Variants in ATP10A observed in about 807,000 individuals in gnomAD.
ATP10A encodes the protein phospholipid-transporting ATPase VA.
A neutral mutation model predicts 147.8 loss-of-function variants in ATP10A; 111 were observed. That is an observed-to-expected ratio of 0.75 (90% CI 0.64 to 0.88). ATP10A has a LOEUF of 0.88. Ranked by LOEUF, ATP10A falls within the 40% of genes least tolerant of loss-of-function variation. ATP10A has a pLI of 0.00. For synonymous variants in ATP10A, 875 were observed against 841.6 expected (o/e 1.04, Z -0.69); for missense variants, 1,927 against 1,959.0 (o/e 0.98, Z 0.31).
chr15:25,852,160 T>A (rs939191345), intron 1 of ATP10A, among the ~76,000 whole-genome samples: 4 of 151,960 alleles, frequency 2.6e-5, no homozygotes, highest in African/African-American at 4.8e-5. Context: ...TCCTATTGAA[T>A]GCCACCCTCC....
At chr15:25,792,349 G>A (rs1235267547) in intron 1 of ATP10A, among the ~76,000 whole-genome samples, 1 of 152,174 alleles carries the variant, frequency 6.6e-6, no homozygotes, top group African/African-American at 2.4e-5. Context: ...AGCACACTGG[G>A]GAGGTCCTGC....
intron 14 of ATP10A, 101 bp downstream of exon 14, chr15:25,694,718 A>C: frequency 9.4e-7 from 1 of 1,061,922 alleles, no homozygotes; most frequent in Non-Finnish European, 1.3e-6. Flanking sequence ...CACAGAAAGA[A>C]AGGTGAGGAA....
chr15:25,824,456 G>T (rs543384661), intron 1 of ATP10A, among the ~76,000 whole-genome samples: 4 of 143,056 alleles, frequency 2.8e-5, no homozygotes, highest in African/African-American at 1.0e-4. Context: ...CCTGGACAAG[G>T]GAGCAAGACC....
At chr15:25,704,697 C>A (rs1024302791) in intron 12 of ATP10A, among the ~76,000 whole-genome samples, 2 of 152,210 alleles carry the variant, frequency 1.3e-5, no homozygotes, top group Non-Finnish European at 2.9e-5. Flanking sequence ...ACCCCCACCT[C>A]GGCATGAAAC....
chr15:25,725,954 C>T lies in ATP10A; in HGVS notation c.976G>A (p.Val326Ile). 6.2e-7 allele frequency: 1 copy of T among 1,612,860 alleles called. No individual in the cohort carries two copies. The highest frequency in any genetic ancestry group is 8.5e-7 in the Non-Finnish European group (1 of 1,179,188). ...LLVCMSLFSA[V>I]GHGLWIWRYQ... ...CCGATCCATCTAGGAGACTTACCGA[C>T]TGCTGAAAACAGAGACATGCAAACA... The change falls in exon 5 of 21, where the codon GTC (valine) becomes ATC (isoleucine). Residue 326 changes from valine to isoleucine, a missense_variant. Val to Ile is a conservative substitution (Grantham distance 29, BLOSUM62 3). Coordinates refer to ENST00000555815, the MANE Select transcript of ATP10A (RefSeq NM_024490.4).
chr15:25,804,776 A>G (rs1891105707), intron 1 of ATP10A, among the ~76,000 whole-genome samples: 1 of 152,250 alleles, frequency 6.6e-6, no homozygotes, highest in African/African-American at 2.4e-5. Flanking sequence ...GAATTCTTCC[A>G]GCACAAAGTA....
chr15:25,713,184 TG>T (rs1901548382), intron 10 of ATP10A, among the ~76,000 whole-genome samples: 1 of 152,060 alleles, frequency 6.6e-6, no homozygotes, highest in African/African-American at 2.4e-5. Context: ...GAGAGGTGGG[TG>T]GCCAGGTTCC....
At chr15:25,738,805 C>A (rs956282986) in intron 2 of ATP10A, among the ~76,000 whole-genome samples, 2 of 152,190 alleles carry the variant, frequency 1.3e-5, no homozygotes, top group Admixed American at 1.3e-4. Flanking sequence ...AAATGCCAGG[C>A]ATTGTGCTAA....
rs1407367935 is a variant in ATP10A at position 25,686,389 on chromosome 15, G to A, written c.3291+1314C>T. On this transcript the variant is annotated intron_variant, in intron 16 of 20. Coordinates refer to ENST00000555815, the MANE Select transcript of ATP10A (RefSeq NM_024490.4). Reference sequence around the variant, plus strand: ...TAGTCCCAGCTGCTTGGGAGGCTGAGGCTGGAAGATCACTTGAGCCCAGGA... The same window carrying A: ...TAGTCCCAGCTGCTTGGGAGGCTGAAGCTGGAAGATCACTTGAGCCCAGGA... Among the ~76,000 whole-genome samples, 3 of 106,156 alleles carry A rather than the reference G, an allele frequency of 2.8e-5. 1 individual carries two copies. In the South Asian group the frequency reaches 9.4e-4, roughly 33 times the overall value. The allele number at this position is 106,156 out of a possible 152,430, so 69.6% of individuals were successfully genotyped here. A position where few individuals can be genotyped will look rare whatever the true frequency, so the allele number is the denominator to read the frequency against.
intron 2 of ATP10A, among the ~76,000 whole-genome samples, chr15:25,770,207 C>T (rs929952833): frequency 3.3e-5 from 5 of 150,952 alleles, no homozygotes; most frequent in African/African-American, 7.4e-5. Flanking sequence ...ACGACCCGGG[C>T]GAGGTGGGGA....
At chr15:25,741,439 C>T (rs1048610835) in intron 2 of ATP10A, among the ~76,000 whole-genome samples, 1 of 152,138 alleles carries the variant, frequency 6.6e-6, no homozygotes, top group African/African-American at 2.4e-5. Flanking sequence ...CCCCTGGCAG[C>T]AATACAAAAT....
intron 1 of ATP10A, among the ~76,000 whole-genome samples, chr15:25,787,449 C>A (rs117202725): frequency 0.083 from 12,541 of 151,402 alleles, 710 homozygotes; most frequent in Non-Finnish European, 0.12. Context: ...CCCCATCTCT[C>A]CAAAAAATAC....
rs1360388889 is a variant in ATP10A, at chr15:25,716,843, C to T, written c.1663G>A (p.Glu555Lys). Residue 555 changes from glutamate (E) to lysine (K), a missense_variant, in exon 9 of 21, where the codon GAG (glutamate) becomes AAG (lysine). Glu to Lys is a moderately conservative substitution (Grantham distance 56). Transcript: ENST00000555815. Reference protein sequence around the residue: ...DKSLAVARHQEHLLAHLSPEL... With the variant: ...DKSLAVARHQKHLLAHLSPEL... ...GGCGAGAGGTGGGCCAGCAGGTGCT[C>T]CTGATGCCTCGCCACGGCTAGGCTC... The T allele has an allele frequency of 1.2e-6, 2 of 1,610,962 alleles. No individual in the cohort carries two copies. Among genetic ancestry groups the T allele is most frequent in the Non-Finnish European group, 1.7e-6 (2 of 1,178,722 alleles).
At chr15:25,700,566 A>C (rs1309383322) in intron 13 of ATP10A, among the ~76,000 whole-genome samples, 2 of 152,210 alleles carry the variant, frequency 1.3e-5, no homozygotes, top group Non-Finnish European at 2.9e-5. Context: ...GAGTGACAGA[A>C]GCCAGGCTCT....
At chr15:25,677,198 C>T (rs1899155451), downstream of ATP10A, 2 of 152,154 alleles carry the variant, frequency 1.3e-5, no homozygotes. Context: ...GATTTGGTAA[C>T]CTATTTCACC....
chr15:25,723,876 A>G lies in ATP10A; in HGVS notation c.1110+15T>C, dbSNP rs1221238550. 6.3e-7 allele frequency: 1 copy of G among 1,576,516 alleles called. No homozygotes were observed. Reference sequence around the variant, plus strand: ...AAAAGTAAAGCAATTATTGTACGATACTTAGTATTGTTACCTGCAGAACTA... The same window carrying G: ...AAAAGTAAAGCAATTATTGTACGATGCTTAGTATTGTTACCTGCAGAACTA... On this transcript the variant is annotated intron_variant, in intron 6 of 20. Coordinates refer to ENST00000555815, the MANE Select transcript of ATP10A (RefSeq NM_024490.4).
At chr15:25,683,664 C>G (rs949528093) in intron 16 of ATP10A, 178 bp from the exon 17 acceptor site, 250 of 619,942 alleles carry the variant, frequency 4.0e-4, no homozygotes, top group Admixed American at 2.1e-3. Context: ...GCCTCTCCCT[C>G]TTCCTCTTTC....
chr15:25,847,059 G>A lies in ATP10A; in HGVS notation c.449+15589C>T, dbSNP rs572083631. 3.4e-3 allele frequency among the ~76,000 whole-genome samples: 520 copies of A among 152,306 alleles called. 4 individuals are homozygous for A. The highest frequency in any genetic ancestry group is 6.0e-3 in the South Asian group (29 of 4,826). On this transcript the variant is annotated intron_variant, in intron 1 of 20. Coordinates refer to ENST00000555815, the MANE Select transcript of ATP10A (RefSeq NM_024490.4). The stretch of plus-strand genomic sequence containing the variant: ...TACATTTTTCTAAAAAGCATCCATA[G>A]AGCATCTTTGTCAGCTATCCTTGTT...
At chr15:25,682,427 G>A (rs1481641719) in intron 17 of ATP10A, among the ~76,000 whole-genome samples, 2 of 152,178 alleles carry the variant, frequency 1.3e-5, no homozygotes, top group Admixed American at 6.5e-5. Flanking sequence ...GGACCTGCAG[G>A]AAACACACAC....
Sources: gnomAD v4.1 joint callset for allele counts (sites outside exome capture counted in the v4.1 genomes callset) on GRCh38, gnomAD v4.1.1 for gene constraint, MANE v1.5 for transcripts, NCBI Gene and HGNC (gene_info 2026-07-23, HGNC 2026-07-21) for gene names.